The following PRDM16 variants were observed in gnomAD, a reference collection of about 807,000 sequenced individuals.
PRDM16 encodes histone-lysine N-methyltransferase PRDM16.
In PRDM16, 23 loss-of-function variants were observed where a neutral mutation model predicts 110.6. That is an observed-to-expected ratio of 0.21 (90% confidence interval 0.15 to 0.29). The LOEUF is 0.29. Ranked by LOEUF, PRDM16 falls within the 10% of genes least tolerant of loss-of-function variation. The pLI is 1.00. For synonymous variants in PRDM16, 799 were observed against 781.8 expected (o/e 1.02, Z -0.37); for missense variants, 1,615 against 1,794.3 (o/e 0.90, Z 1.81).
chr1:3,185,477 G>A (rs375237707), intron 1 of PRDM16, among the ~76,000 whole-genome samples: 6 of 152,016 alleles, frequency 3.9e-5, no homozygotes, highest in South Asian at 2.1e-4. Flanking sequence ...CCCAGGCTGC[G>A]GCCCAAGTGC....
At chr1:3,186,788 GGCA>G (rs1557514801) in intron 2 of PRDM16, among the ~76,000 whole-genome samples, 3 of 152,196 alleles carry the variant, frequency 2.0e-5, no homozygotes, top group Admixed American at 1.3e-4. Context: ...CTGCCATCGC[GGCA>G]GGGCAGGGAG....
intron 3 of PRDM16, among the ~76,000 whole-genome samples, chr1:3,293,850 T>C (rs1641030134): frequency 6.6e-6 from 1 of 152,198 alleles, no homozygotes; most frequent in South Asian, 2.1e-4. Flanking sequence ...GGAGAGGCGA[T>C]GGCGTGGCCC....
chr1:3,336,472 A>C (rs1024088547), intron 3 of PRDM16, among the ~76,000 whole-genome samples: 1 of 151,488 alleles, frequency 6.6e-6, no homozygotes, highest in African/African-American at 2.4e-5. Flanking sequence ...GTGTGTGCAC[A>C]TACATACACA....
chr1:3,178,801 C>T (rs1263095381), intron 1 of PRDM16, among the ~76,000 whole-genome samples: 2 of 152,134 alleles, frequency 1.3e-5, no homozygotes, highest in Non-Finnish European at 2.9e-5. Flanking sequence ...CGCCCCAGGT[C>T]AGTGGGCCTG....
At chr1:3,292,110 G>T (rs1180518763) in intron 3 of PRDM16, among the ~76,000 whole-genome samples, 1 of 152,268 alleles carries the variant, frequency 6.6e-6, no homozygotes, top group Non-Finnish European at 1.5e-5. Context: ...CACAGGCCTT[G>T]GCAGGATGCT....
chr1:3,386,044 A>G lies in PRDM16; in HGVS notation c.573+758A>G, dbSNP rs539584579. Among the ~76,000 whole-genome samples, 7 of 152,192 alleles carry G rather than the reference A, an allele frequency of 4.6e-5. No homozygotes were observed. The East Asian group carries it at 1.4e-3, about 30-fold the overall frequency. On this transcript the variant is annotated intron_variant, in intron 4 of 16. Transcript: ENST00000270722. ...TGGTCGCTGCTTCATGGATTTCTCTATTTCAAGCTTGCGAGTGGCCCCTGG... is the reference window on the plus strand; with the variant it reads ...TGGTCGCTGCTTCATGGATTTCTCTGTTTCAAGCTTGCGAGTGGCCCCTGG...
chr1:3,165,332 G>A (rs1187759113), intron 1 of PRDM16, among the ~76,000 whole-genome samples: 1 of 150,316 alleles, frequency 6.7e-6, no homozygotes, highest in Non-Finnish European at 1.5e-5. Context: ...TGGCCTCAGG[G>A]GCATGGACTC....
intron 3 of PRDM16, among the ~76,000 whole-genome samples, chr1:3,377,880 G>A (rs537190835): frequency 6.6e-5 from 10 of 152,322 alleles, no homozygotes; most frequent in South Asian, 4.1e-4. Flanking sequence ...CTGTTCGTTC[G>A]TCTACCCACT....
At chr1:3,336,469 CACAT>C (rs1009796806) in intron 3 of PRDM16, among the ~76,000 whole-genome samples, 16 of 146,492 alleles carry the variant, frequency 1.1e-4, no homozygotes, top group African/African-American at 7.6e-5. Flanking sequence ...TGTGTGTGTG[CACAT>C]ACATACACAT....
At chr1:3,269,657 G>GAGAAGGACAGTCAGA (rs1640386409) in intron 3 of PRDM16, among the ~76,000 whole-genome samples, 1 of 149,188 alleles carries the variant, frequency 6.7e-6, no homozygotes, top group Admixed American at 6.6e-5. Flanking sequence ...GGACAGTTGG[G>GAGAAGGACAGTCAGA]AGGAGGACAG....
At chr1:3,087,040 A>G (rs1266434323) in intron 1 of PRDM16, among the ~76,000 whole-genome samples, 2 of 152,196 alleles carry the variant, frequency 1.3e-5, no homozygotes, top group African/African-American at 4.8e-5. Flanking sequence ...CAACAGCGAC[A>G]TGCTCGTAGT....
rs950088026 is a variant in PRDM16, at chr1:3,437,915, C to G, written c.*4104C>G. 2.3e-5 allele frequency: 5 copies of G among 219,892 alleles called. No homozygotes were observed. The Admixed American group carries it at 2.9e-4, about 13-fold the overall frequency. 13.6% of individuals were successfully genotyped at this position (219,892 alleles called of 1,614,324 possible). ...CTGGTGTCAGAGTCGTAATTTAAAGCGTGTGTGTATATGGACTTTGTCCCT... is the reference window on the plus strand; with the variant it reads ...CTGGTGTCAGAGTCGTAATTTAAAGGGTGTGTGTATATGGACTTTGTCCCT... On this transcript the variant is annotated 3_prime_UTR_variant, in exon 17 of 17. Coordinates refer to ENST00000270722, the MANE Select transcript of PRDM16 (RefSeq NM_022114.4).
intron 1 of PRDM16, among the ~76,000 whole-genome samples, chr1:3,088,642 T>G (rs1018105906): frequency 2.0e-5 from 3 of 150,932 alleles, no homozygotes; most frequent in Non-Finnish European, 4.4e-5. Flanking sequence ...ATTTTTTGTA[T>G]TTTTTAGTAG....
At chr1:3,216,853 T>C (rs1226895042) in intron 2 of PRDM16, among the ~76,000 whole-genome samples, 1 of 152,218 alleles carries the variant, frequency 6.6e-6, no homozygotes, top group Non-Finnish European at 1.5e-5. Flanking sequence ...GTGACTGCCA[T>C]AGAGTTCAGG....
chr1:3,234,439 A>G (rs985238430), intron 2 of PRDM16, among the ~76,000 whole-genome samples: 5 of 152,216 alleles, frequency 3.3e-5, no homozygotes, highest in African/African-American at 1.2e-4. Flanking sequence ...CAGGCCAAGC[A>G]GCCGCAAGAC....
chr1:3,212,249 C>G (rs1390296282), intron 2 of PRDM16, among the ~76,000 whole-genome samples: 2 of 152,200 alleles, frequency 1.3e-5, no homozygotes, highest in Middle Eastern at 6.3e-3. Flanking sequence ...TCTCCCGTTC[C>G]CTTTTATGCG....
Position 3,425,642 on chromosome 1 carries a change from A to G in PRDM16, c.3001A>G (p.Ile1001Val). 6.2e-7 allele frequency: 1 copy of G among 1,613,964 alleles called. No individual in the cohort carries two copies. The highest frequency in any genetic ancestry group is 2.2e-5 in the East Asian group (1 of 44,856). Residue 1001 changes from isoleucine (I) to valine (V), a missense_variant, in exon 13 of 17, where the codon ATC becomes GTC. Transcript: ENST00000270722. This position sits in a 1 kb window ranked among gnomAD's most constrained non-coding sequence, Gnocchi z 6.9. The part of the protein sequence containing the change: ...SSNLQRHVRN[I>V]HNKEKPFKCH... Reference sequence around the variant, plus strand: ...GAACCTCCAGCGGCACGTCCGGAACATCCACAACAAGGAGAAGCCTTTCAA... The same window carrying G: ...GAACCTCCAGCGGCACGTCCGGAACGTCCACAACAAGGAGAAGCCTTTCAA...
At chr1:3,412,914 C>T (rs1254035610) in intron 9 of PRDM16, 114 bp downstream of exon 9, 7 of 868,232 alleles carry the variant, frequency 8.1e-6, no homozygotes, top group Non-Finnish European at 1.1e-5. Context: ...GTCCCCCGGC[C>T]TTTGCTGACT....
At chr1:3,278,632 C>T (rs1640642475) in intron 3 of PRDM16, among the ~76,000 whole-genome samples, 1 of 152,194 alleles carries the variant, frequency 6.6e-6, no homozygotes, top group Admixed American at 6.5e-5. Context: ...TGCAGTCAGC[C>T]AGGACACCCG....
Sources: gnomAD v4.1 joint callset for allele counts (sites outside exome capture counted in the v4.1 genomes callset) on GRCh38, gnomAD v4.1.1 for gene constraint, Gnocchi (gnomAD v3.1) non-coding constraint, MANE v1.5 for transcripts, NCBI Gene and HGNC (gene_info 2026-07-23, HGNC 2026-07-21) for gene names.